Variants in RBP7 observed in about 807,000 individuals in gnomAD.
RBP7 encodes retinoid-binding protein 7.
RBP7 carries 13 observed loss-of-function variants against 16.7 expected under a neutral mutation model. That is an observed-to-expected ratio of 0.78 (90% confidence interval 0.51 to 1.24). The LOEUF (loss-of-function observed/expected upper bound fraction) is 1.24. Among genes scored for constraint, RBP7 ranks in the 50% most tolerant of loss-of-function variants. RBP7 has a pLI of 0.00. For missense variants in RBP7, 145 were observed against 159.5 expected, an observed-to-expected ratio of 0.91 and a Z score of 0.49; for synonymous variants, 54 against 56.2, an observed-to-expected ratio of 0.96 and a Z score of 0.17.
In RBP7 at chr1:10,006,749, G is replaced by GTA. The variant is rs1278390442; in HGVS notation, c.74-820_74-819insAT. ...TACGTGTGTGTGTGTGTGTGTGTGT[G>GTA]TGTATATATATATATAGAGAGAGAG... On this transcript the variant is annotated intron_variant, in intron 1 of 3. Transcript: ENST00000294435. 7.5e-3 allele frequency among the ~76,000 whole-genome samples: 1,072 copies of GTA among 143,820 alleles called. 8 individuals are homozygous for GTA. Among genetic ancestry groups the GTA allele is most frequent in the African/African-American group, 0.028 (1,016 of 35,986 alleles). The allele number at this position is 143,820 out of a possible 152,430, so 94.4% of individuals were successfully genotyped here. A position where few individuals can be genotyped will look rare whatever the true frequency, so the allele number is the denominator to read the frequency against.
At chr1:10,003,001 T>G (rs1317804593) in intron 1 of RBP7, among the ~76,000 whole-genome samples, 1 of 152,150 alleles carries the variant, frequency 6.6e-6, no homozygotes, top group African/African-American at 2.4e-5. Flanking sequence ...AAGCAGCTTT[T>G]CATAAAACAC....
At chr1:10,015,289 A>C (rs1022234939) in intron 3 of RBP7, among the ~76,000 whole-genome samples, 1 of 151,986 alleles carries the variant, frequency 6.6e-6, no homozygotes, top group Non-Finnish European at 1.5e-5. Flanking sequence ...AAAATACAAA[A>C]ATTAGCAGAG....
At position 9,997,771 on chromosome 1, in the gene RBP7, C is replaced by T. The variant is rs535237052; in HGVS notation, c.73+440C>T. 3.3e-4 allele frequency among the ~76,000 whole-genome samples: 50 copies of T among 152,074 alleles called. No homozygotes were observed. The South Asian group carries it at 9.1e-3, about 28-fold the overall frequency. ...GGACCGAAGCCTCTGCCCGGCCACC[C>T]TCCCCGCAGCCGCCTTCCGTGCAGG... On this transcript the variant is annotated intron_variant, in intron 1 of 3. Coordinates refer to ENST00000294435, the MANE Select transcript of RBP7 (RefSeq NM_052960.3). The surrounding 1 kb of genome is among the most constrained non-coding windows in gnomAD (Gnocchi z 5.9).
intron 1 of RBP7, among the ~76,000 whole-genome samples, chr1:10,006,635 G>A (rs1642446348): frequency 1.3e-5 from 2 of 151,532 alleles, no homozygotes; most frequent in African/African-American, 4.8e-5. Flanking sequence ...GGAGGTTGCA[G>A]TGAGCTGAAA....
intron 1 of RBP7, among the ~76,000 whole-genome samples, chr1:10,001,368 C>T (rs992133436): frequency 6.6e-6 from 1 of 152,110 alleles, no homozygotes; most frequent in African/African-American, 2.4e-5. Flanking sequence ...TGCAGTGGTG[C>T]GATCATGGCT....
chr1:10,002,472 C>T (rs1642304846), intron 1 of RBP7, among the ~76,000 whole-genome samples: 1 of 151,694 alleles, frequency 6.6e-6, no homozygotes, highest in Non-Finnish European at 1.5e-5. Flanking sequence ...CAGAAAGTGA[C>T]CAGAACTTAT....
rs185220047 is a variant in RBP7 at position 10,008,660 on chromosome 1, C to G, written c.354+386C>G. On this transcript the variant is annotated intron_variant, in intron 3 of 3. Coordinates refer to ENST00000294435, the MANE Select transcript of RBP7 (RefSeq NM_052960.3). ...TTCACCATGTTGGCCAGGATGGTCT[C>G]GATCTCTTGACCTCATGATCCACCC... Among the ~76,000 whole-genome samples the G allele has an allele frequency of 5.3e-5, 8 of 151,624 alleles. 1 individual carries two copies. In the East Asian group the frequency reaches 1.6e-3, roughly 30 times the overall value.
intron 3 of RBP7, among the ~76,000 whole-genome samples, chr1:10,008,825 C>T (rs931525586): frequency 5.9e-5 from 9 of 151,946 alleles, no homozygotes; most frequent in Non-Finnish European, 1.3e-4. Context: ...ATGAAACAGC[C>T]GAATATTCCG....
At chr1:10,001,430 C>A (rs1642275623) in intron 1 of RBP7, among the ~76,000 whole-genome samples, 1 of 152,134 alleles carries the variant, frequency 6.6e-6, no homozygotes, top group Non-Finnish European at 1.5e-5. Flanking sequence ...CTCAGCCTTC[C>A]AAGTAGCTGG....
intron 1 of RBP7, among the ~76,000 whole-genome samples, chr1:9,999,090 G>A (rs1642222802): frequency 6.6e-6 from 1 of 152,106 alleles, no homozygotes; most frequent in African/African-American, 2.4e-5. Context: ...GGTAGTGAAT[G>A]TCTCATGAGA....
intron 1 of RBP7, among the ~76,000 whole-genome samples, chr1:9,998,477 G>T (rs888231295): frequency 4.4e-5 from 6 of 135,260 alleles, no homozygotes; most frequent in Non-Finnish European, 7.6e-5. Flanking sequence ...GTACGATCTC[G>T]GCTCACTGCA....
chr1:10,010,162 C>A (rs1426817531), intron 3 of RBP7, among the ~76,000 whole-genome samples: 2 of 152,128 alleles, frequency 1.3e-5, no homozygotes, highest in African/African-American at 4.8e-5. Flanking sequence ...GTTGCCCAGG[C>A]TGGAGTGCAG....
chr1:10,014,867 TG>T (rs1224061635), intron 3 of RBP7, among the ~76,000 whole-genome samples: 2 of 152,146 alleles, frequency 1.3e-5, no homozygotes, highest in African/African-American at 4.8e-5. Context: ...TGTCTGAAGC[TG>T]GGGGGAGTCT....
chr1:9,999,684 C>T (rs754535673), intron 1 of RBP7, among the ~76,000 whole-genome samples: 2 of 152,150 alleles, frequency 1.3e-5, no homozygotes, highest in Non-Finnish European at 2.9e-5. Context: ...TTCTGAAAAC[C>T]AGCAACTGTG....
rs775826168 is a variant in RBP7 at position 9,997,356 on chromosome 1, G to A, written c.73+25G>A. 8.7e-6 allele frequency: 14 copies of A among 1,605,650 alleles called. No homozygotes were observed. The African/African-American group carries it at 1.8e-4, about 20-fold the overall frequency. ...GGTAAGGCGGAGGGGAGGCGGCGGC[G>A]GCGCGAGGCTCGCCGTGGGTCTCGG... On this transcript the variant is annotated intron_variant, in intron 1 of 3. Transcript: ENST00000294435. The surrounding 1 kb of genome is among the most constrained non-coding windows in gnomAD (Gnocchi z 5.9).
chr1:10,000,490 C>T (rs941365120), intron 1 of RBP7, among the ~76,000 whole-genome samples: 4 of 151,246 alleles, frequency 2.6e-5, no homozygotes, highest in Non-Finnish European at 4.4e-5. Context: ...GCCCAGATCA[C>T]GACACTGCAC....
intron 1 of RBP7, chr1:10,007,034 C>A (rs573758176): frequency 2.6e-6 from 1 of 383,130 alleles, no homozygotes; most frequent in Non-Finnish European, 5.1e-6. Flanking sequence ...GCAACCTCCG[C>A]CTCCTGGGTT....
At chr1:10,011,358 C>A (rs1462360628) in intron 3 of RBP7, among the ~76,000 whole-genome samples, 2 of 152,076 alleles carry the variant, frequency 1.3e-5, no homozygotes, top group African/African-American at 2.4e-5. Context: ...TTCTCTGGTG[C>A]CCTTTAGTTT....
Position 10,007,639 on chromosome 1 carries a change from A to G in RBP7, c.143A>G (p.Asp48Gly), listed in dbSNP as rs1642483286. Residue 48 changes from aspartate (D) to glycine (G), a missense_variant, in exon 2 of 4, where the codon GAT (aspartate) becomes GGT (glycine). By Grantham distance (94) the Asp-to-Gly change is moderately conservative. Transcript: ENST00000294435. ...KPQKVIEQNG[D>G]SFTIHTNSSL... is the part of the protein sequence containing the mutation. ...CAGAAAGTGATTGAGCAGAATGGGG[A>G]TTCTTTTACCATCCACACGAACAGC... 1 of 1,613,896 alleles carries G rather than the reference A, an allele frequency of 6.2e-7. No individual in the cohort carries two copies. The highest frequency in any genetic ancestry group is 1.7e-5 in the Admixed American group (1 of 59,972).
Sources: allele counts gnomAD v4.1 joint callset (sites outside exome capture counted in the v4.1 genomes callset), GRCh38; gene constraint gnomAD v4.1.1; non-coding constraint Gnocchi (gnomAD v3.1); transcripts MANE v1.5; gene names NCBI Gene and HGNC (gene_info 2026-07-23, HGNC 2026-07-21).